Variants in ULK1 observed in about 807,000 individuals in gnomAD.
The protein encoded by ULK1 is unc-51 like autophagy activating kinase 1.
Under a neutral mutation model 117.5 loss-of-function variants are expected in ULK1, and 48 were observed. The observed-to-expected ratio is 0.41, with a 90% CI of 0.32 to 0.52. The LOEUF is 0.52. Ranked by LOEUF, ULK1 falls within the 20% of genes least tolerant of loss-of-function variation. ULK1 has a pLI of 0.29. For synonymous variants in ULK1, 790 were observed against 637.8 expected (o/e 1.24, Z -3.60); for missense variants, 1,387 against 1,473.4 (o/e 0.94, Z 0.96).
chr12:131,920,322 A>C (rs1329575397), intron 26 of ULK1, 186 bp downstream of exon 26: 3 of 725,512 alleles, frequency 4.1e-6, no homozygotes, highest in Non-Finnish European at 6.6e-6. Flanking sequence ...GGCTGGGTGC[A>C]TCCTTGATTG....
At position 131,910,015 on chromosome 12, in the gene ULK1, AG is replaced by A. The variant is rs767334201; in HGVS notation, c.808+18del. On this transcript the variant is annotated intron_variant, in intron 10 of 27. Transcript: ENST00000321867. ...GCATGGACTTCGGTGAGCACCCACC[AG>A]GGGCGCAGCTGGAGTCCCCCACCCT... 1.7e-5 allele frequency: 27 copies of A among 1,610,740 alleles called. No homozygotes were observed. The East Asian group carries it at 5.8e-4, about 35-fold the overall frequency.
At chr12:131,896,536 C>T (rs1024719896) in intron 3 of ULK1, 1 of 152,518 alleles carries the variant, frequency 6.6e-6, no homozygotes, top group Non-Finnish European at 1.5e-5. Flanking sequence ...GGGCCCAGCC[C>T]CTGGCTGAGG....
chr12:131,909,011 C>T (rs1566118909), intron 7 of ULK1, 40 bp downstream of exon 7: 3 of 1,612,606 alleles, frequency 1.9e-6, no homozygotes, highest in African/African-American at 1.3e-5. Context: ...GTGGGCGCCT[C>T]TCTGGGCTTG....
rs142630747 is a variant in ULK1, at chr12:131,913,768, G to T, written c.1179G>T (p.Ala393=). ...ACAGGAGCTCACTGGTGGCCTCTGC[G>T]GGCTTGGAGAGCCACGGCCGGACCC... ...MCSGSSLVAS[A]GLESHGRTPS... The change falls in exon 15 of 28, where the codon GCG becomes GCT. Residue 393 remains alanine (A), a synonymous_variant. Coordinates refer to ENST00000321867, the MANE Select transcript of ULK1 (RefSeq NM_003565.4). 1.7e-5 allele frequency: 27 copies of T among 1,566,126 alleles called. No individual in the cohort carries two copies. The South Asian group carries it at 3.0e-4, about 18-fold the overall frequency.
At position 131,910,426 on chromosome 12, in the gene ULK1, A is replaced by G. The variant is rs1889482316; in HGVS notation, c.859+122A>G. The G allele has an allele frequency of 6.9e-6, 10 of 1,449,558 alleles. No homozygotes were observed. The South Asian group carries it at 1.1e-4, about 17-fold the overall frequency. 89.8% of individuals were successfully genotyped at this position (1,449,558 alleles called of 1,614,324 possible). Reference sequence around the variant, plus strand: ...AGGTCTTGAGCTGCGGCCAGCTCCCAGGGAGGGCAGGACACCCGGCTCCTT... The same window carrying G: ...AGGTCTTGAGCTGCGGCCAGCTCCCGGGGAGGGCAGGACACCCGGCTCCTT... On this transcript the variant is annotated intron_variant, in intron 11 of 27. Coordinates refer to ENST00000321867, the MANE Select transcript of ULK1 (RefSeq NM_003565.4).
intron 1 of ULK1, among the ~76,000 whole-genome samples, 168 bp from the exon 2 acceptor site, chr12:131,895,433 C>A (rs1048705632): frequency 2.6e-5 from 4 of 151,994 alleles, no homozygotes; most frequent in Non-Finnish European, 4.4e-5. Flanking sequence ...GAGGCTGGAT[C>A]CCTACCCCAG....
intron 20 of ULK1, 66 bp from the exon 21 acceptor site, chr12:131,916,886 GA>G: frequency 7.5e-7 from 1 of 1,338,424 alleles, no homozygotes; most frequent in Non-Finnish European, 1.0e-6. Context: ...CCTGCAGAGG[GA>G]CCTCTCGAGG....
intron 3 of ULK1, chr12:131,896,559 G>A (rs1366697249): frequency 6.6e-6 from 1 of 152,510 alleles, no homozygotes; most frequent in Non-Finnish European, 1.5e-5. Context: ...AGGGCTGGCA[G>A]GCCGTGTTTT....
chr12:131,916,110 A>G lies in ULK1; in HGVS notation c.1829A>G (p.Asp610Gly), dbSNP rs761127090. The change falls in exon 19 of 28, where the codon GAC (aspartate) becomes GGC (glycine). Residue 610 changes from aspartate (D) to glycine (G), a missense_variant. Asp to Gly is a moderately conservative substitution (Grantham distance 94, BLOSUM62 -1). Transcript: ENST00000321867. ...RNLRGSPKLP[D>G]FLQRNPLPPI... ...CTGCGGGGCTCACCCAAGCTGCCCG[A>G]CTTCCTGCAGCGAAACCCCCTGCCC... 5 of 1,611,898 alleles carry G rather than the reference A, an allele frequency of 3.1e-6. No individual in the cohort carries two copies. Among genetic ancestry groups the G allele is most frequent in the Middle Eastern group, 1.7e-4 (1 of 6,048 alleles).
In ULK1 at chr12:131,902,818, G is replaced by T. The variant is rs1029215955; in HGVS notation, c.247-4074G>T. Among the ~76,000 whole-genome samples the T allele has an allele frequency of 6.6e-6, 1 of 152,178 alleles. No individual in the cohort carries two copies. The highest frequency in any genetic ancestry group is 2.4e-5 in the African/African-American group (1 of 41,434). Reference sequence around the variant, plus strand: ...TGGGAGGCGAGCTGCTCTGCCTGGGGTGGCCGGTTTCCTCCCCTGGAGCCC... The same window carrying T: ...TGGGAGGCGAGCTGCTCTGCCTGGGTTGGCCGGTTTCCTCCCCTGGAGCCC... On this transcript the variant is annotated intron_variant, in intron 3 of 27. Coordinates refer to ENST00000321867, the MANE Select transcript of ULK1 (RefSeq NM_003565.4). This position sits in a 1 kb window ranked among gnomAD's most constrained non-coding sequence, Gnocchi z 6.3.
chr12:131,906,722 C>T, intron 3 of ULK1, 170 bp from the exon 4 acceptor site: 1 of 761,222 alleles, frequency 1.3e-6, no homozygotes, highest in Non-Finnish European at 2.2e-6. Context: ...CAGAACACAC[C>T]CACCTACAAA....
intron 26 of ULK1, chr12:131,920,518 T>A (rs567830484): frequency 2.6e-4 from 66 of 253,734 alleles, no homozygotes; most frequent in African/African-American, 1.4e-3. Context: ...ACTCCCTGCT[T>A]GGGCTCTGAA....
At chr12:131,911,380 C>G (rs1889527555) in intron 12 of ULK1, among the ~76,000 whole-genome samples, 1 of 152,214 alleles carries the variant, frequency 6.6e-6, no homozygotes, top group African/African-American at 2.4e-5. Flanking sequence ...CTGCCTGTAT[C>G]ATGGCCGAAA....
chr12:131,908,892 C>A lies in ULK1; in HGVS notation c.491-6C>A. ...CGGCGCCGGTCCTGACGCTTCTCTC[C>A]CGCAGCTGACTTCGGCTTCGCGCGG... On this transcript the variant is annotated splice_region_variant and splice_polypyrimidine_tract_variant and intron_variant, in intron 6 of 27. Transcript: ENST00000321867. The A allele has an allele frequency of 6.2e-7, 1 of 1,610,368 alleles. No homozygotes were observed. The highest frequency in any genetic ancestry group is 8.5e-7 in the Non-Finnish European group (1 of 1,179,696).
chr12:131,900,935 C>G (rs1257461590), intron 3 of ULK1, among the ~76,000 whole-genome samples: 1 of 151,948 alleles, frequency 6.6e-6, no homozygotes, highest in African/African-American at 2.4e-5. Context: ...GGATGCAGGC[C>G]GAGTAGAAAC....
intron 16 of ULK1, 97 bp from the exon 17 acceptor site, chr12:131,914,986 C>G: frequency 6.8e-7 from 1 of 1,476,530 alleles, no homozygotes; most frequent in Non-Finnish European, 9.0e-7. Context: ...GCTGGGGCCT[C>G]CCCTCCTAAT....
At position 131,914,486 on chromosome 12, in the gene ULK1, G is replaced by C. The variant is rs548933511; in HGVS notation, c.1373+9G>C. 6.2e-7 allele frequency: 1 copy of C among 1,609,588 alleles called. No homozygotes were observed. Among genetic ancestry groups the C allele is most frequent in the East Asian group, 2.2e-5 (1 of 44,736 alleles). On this transcript the variant is annotated intron_variant, in intron 16 of 27. Coordinates refer to ENST00000321867, the MANE Select transcript of ULK1 (RefSeq NM_003565.4). ...CAGTTCCAAACACCTCGGTGAGTGT[G>C]GAGCCCCCAGGTAGCCAGGCGTGGC... is the stretch of plus-strand genomic sequence containing the variant.
chr12:131,896,563 G>C (rs1372284617), intron 3 of ULK1: 1 of 152,528 alleles, frequency 6.6e-6, no homozygotes, highest in African/African-American at 2.4e-5. Flanking sequence ...CTGGCAGGCC[G>C]TGTTTTGGTG....
At chr12:131,910,390 G>A in intron 11 of ULK1, 86 bp downstream of exon 11, 1 of 1,565,758 alleles carries the variant, frequency 6.4e-7, no homozygotes, top group South Asian at 1.1e-5. Context: ...TGAGTGTGGG[G>A]CAGAGGGAGC....
Sources: gnomAD v4.1 joint callset for allele counts (sites outside exome capture counted in the v4.1 genomes callset) on GRCh38, gnomAD v4.1.1 for gene constraint, Gnocchi (gnomAD v3.1) non-coding constraint, MANE v1.5 for transcripts, NCBI Gene and HGNC (gene_info 2026-07-23, HGNC 2026-07-21) for gene names.